TSHZ2: variants seen among roughly 807,000 people sequenced by gnomAD.
The protein encoded by TSHZ2 is teashirt homolog 2.
In TSHZ2, 21 loss-of-function variants were observed where a neutral mutation model predicts 74.4. The ratio of observed to expected loss-of-function variants is 0.28; its 90% CI spans 0.20 to 0.41. The LOEUF (loss-of-function observed/expected upper bound fraction) is 0.41. Ranked by LOEUF, TSHZ2 falls within the 10% of genes least tolerant of loss-of-function variation. The probability of loss-of-function intolerance (pLI) is 1.00; values close to 1 mark genes in which losing one functional copy is unlikely to be tolerated. For missense variants in TSHZ2, 1,244 were observed against 1,293.5 expected, an observed-to-expected ratio of 0.96 and a Z score of 0.59; for synonymous variants, 540 against 515.3, an observed-to-expected ratio of 1.05 and a Z score of -0.65.
chr20:53,190,129 A>ATTTTTT (rs1187750796), intron 1 of TSHZ2, among the ~76,000 whole-genome samples: 29 of 87,822 alleles, frequency 3.3e-4, no homozygotes, highest in African/African-American at 1.3e-3. Context: ...ATATATATAT[A>ATTTTTT]TATATATATT....
intron 1 of TSHZ2, among the ~76,000 whole-genome samples, chr20:53,088,867 GCT>G (rs1290109683): frequency 6.6e-6 from 1 of 152,166 alleles, no homozygotes; most frequent in East Asian, 1.9e-4. Context: ...GGAGGCTGCA[GCT>G]CTGTTTGTGA....
intron 1 of TSHZ2, among the ~76,000 whole-genome samples, chr20:53,043,798 T>TACCTG (rs1984130043): frequency 1.3e-5 from 2 of 152,036 alleles, no homozygotes; most frequent in Admixed American, 1.3e-4. Context: ...AAAAAACTGA[T>TACCTG]ACCTGGGGAA....
intron 1 of TSHZ2, among the ~76,000 whole-genome samples, chr20:53,001,218 G>GTGTGTGTGTGTGTGTGTA (rs1555813582): frequency 1.4e-5 from 2 of 145,156 alleles, no homozygotes; most frequent in African/African-American, 5.2e-5. Context: ...GTGTGTGTGT[G>GTGTGTGTGTGTGTGTGTA]TGTGTGTGTG....
rs554487778 is a variant in TSHZ2, at chr20:53,446,899, G to A, written c.*9-40245G>A. ...AACCTAAACAGCTGCCCCACTCATG[G>A]TTCACCCTTCACTCTCTTGCCCCTA... On this transcript the variant is annotated intron_variant, in intron 2 of 2. Transcript: ENST00000371497. Among the ~76,000 whole-genome samples, 82 of 152,222 alleles carry A rather than the reference G, an allele frequency of 5.4e-4. 1 individual carries two copies. Among genetic ancestry groups the A allele is most frequent in the African/African-American group, 1.8e-3 (76 of 41,564 alleles).
chr20:53,176,369 T>C (rs1356295474), intron 1 of TSHZ2, among the ~76,000 whole-genome samples: 2 of 152,214 alleles, frequency 1.3e-5, no homozygotes, highest in African/African-American at 4.8e-5. Context: ...AGAATCCTTT[T>C]GGGAGGAGGT....
At chr20:53,350,268 A>C (rs1980599277) in intron 2 of TSHZ2, among the ~76,000 whole-genome samples, 1 of 152,224 alleles carries the variant, frequency 6.6e-6, no homozygotes, top group Non-Finnish European at 1.5e-5. Context: ...TTTAGGTGGA[A>C]AGTGGTTCTC....
Position 52,974,525 on chromosome 20 carries a change from T to C in TSHZ2, c.40+1192T>C, listed in dbSNP as rs111797942. 5.9e-5 allele frequency among the ~76,000 whole-genome samples: 9 copies of C among 152,270 alleles called. No individual in the cohort carries two copies. In the South Asian group the frequency reaches 1.2e-3, roughly 21 times the overall value. On this transcript the variant is annotated intron_variant, in intron 1 of 2. Coordinates refer to ENST00000371497, the MANE Select transcript of TSHZ2 (RefSeq NM_173485.6). ...GTTTAGTTGTTTTTTCCTCTCTCTC[T>C]GTCTTTACCCTCTTGATTTAGGCAA...
rs191367297 is a variant in TSHZ2 at position 53,337,716 on chromosome 20, G to A, written c.*8+81145G>A. Among the ~76,000 whole-genome samples the A allele has an allele frequency of 1.2e-4, 18 of 152,312 alleles. No individual in the cohort carries two copies. The South Asian group carries it at 1.9e-3, about 16-fold the overall frequency. On this transcript the variant is annotated intron_variant, in intron 2 of 2. Transcript: ENST00000371497. ...TAATTAAATAACATTGACTCCCAACGTGAAAAACTCATTTCCCTTCCATGC... is the reference window on the plus strand; with the variant it reads ...TAATTAAATAACATTGACTCCCAACATGAAAAACTCATTTCCCTTCCATGC...
At chr20:53,283,165 GA>G (rs557107840) in intron 2 of TSHZ2, among the ~76,000 whole-genome samples, 404 of 152,242 alleles carry the variant, frequency 2.7e-3, no homozygotes, top group African/African-American at 9.3e-3. Context: ...TGTTGTAGAA[GA>G]AAAAGCTAAG....
At chr20:53,331,821 T>C (rs1405136504) in intron 2 of TSHZ2, among the ~76,000 whole-genome samples, 1 of 152,036 alleles carries the variant, frequency 6.6e-6, no homozygotes, top group Non-Finnish European at 1.5e-5. Context: ...AACCCCTTCC[T>C]GGTGGCGGCA....
intron 1 of TSHZ2, among the ~76,000 whole-genome samples, chr20:52,977,284 G>A (rs1981377843): frequency 6.6e-6 from 1 of 152,130 alleles, no homozygotes; most frequent in Non-Finnish European, 1.5e-5. Context: ...GAATCGGGTA[G>A]ATTTGGGACC....
At chr20:53,159,254 T>G (rs1292811394) in intron 1 of TSHZ2, among the ~76,000 whole-genome samples, 4 of 152,230 alleles carry the variant, frequency 2.6e-5, no homozygotes, top group African/African-American at 9.6e-5. Context: ...AGCCTGTGTT[T>G]TTGTCTTTTC....
chr20:53,466,455 C>T, intron 2 of TSHZ2, among the ~76,000 whole-genome samples: 1 of 152,162 alleles, frequency 6.6e-6, no homozygotes. Flanking sequence ...TGGCTCTGCA[C>T]TCCACTTAGA....
chr20:53,204,110 T>TATC (rs1989083093), intron 1 of TSHZ2, among the ~76,000 whole-genome samples: 1 of 1,146 alleles, frequency 8.7e-4, no homozygotes, highest in African/African-American at 3.7e-3. Flanking sequence ...TATGATATAC[T>TATC]ATATCATCAT....
Position 53,362,156 on chromosome 20 carries a change from C to T in TSHZ2, c.*8+105585C>T, listed in dbSNP as rs1244042632. On this transcript the variant is annotated intron_variant, in intron 2 of 2. Transcript: ENST00000371497. ...TGCTGGCATTACAGGCGTGAGCCAC[C>T]GTGCCCAGCCTCTTCACACAGTTTG... Among the ~76,000 whole-genome samples, 8 of 151,060 alleles carry T rather than the reference C, an allele frequency of 5.3e-5. No homozygotes were observed. In the East Asian group the frequency reaches 1.4e-3, roughly 26 times the overall value.
intron 2 of TSHZ2, among the ~76,000 whole-genome samples, chr20:53,460,676 G>A (rs1985322460): frequency 6.6e-6 from 1 of 152,174 alleles, no homozygotes; most frequent in Non-Finnish European, 1.5e-5. Flanking sequence ...CATCTTTGTG[G>A]TTTTATCTCC....
chr20:53,005,392 G>A (rs1229405281), intron 1 of TSHZ2, among the ~76,000 whole-genome samples: 2 of 152,210 alleles, frequency 1.3e-5, no homozygotes, highest in Non-Finnish European at 2.9e-5. Flanking sequence ...TGAAGCTGGA[G>A]AAAACGTGTA....
chr20:53,396,665 G>A (rs1982459347), intron 2 of TSHZ2, among the ~76,000 whole-genome samples: 2 of 151,908 alleles, frequency 1.3e-5, no homozygotes, highest in African/African-American at 2.4e-5. Flanking sequence ...TGGGCAACAT[G>A]GCAAAACCCC....
rs183742882 is a variant in TSHZ2 at position 53,402,616 on chromosome 20, G to A, written c.*9-84528G>A. Among the ~76,000 whole-genome samples, 417 of 152,332 alleles carry A rather than the reference G, an allele frequency of 2.7e-3. 4 individuals are homozygous for A. The highest frequency in any genetic ancestry group is 2.5e-3 in the Non-Finnish European group (169 of 68,038). ...GCAGAAAGAGGCAAAAGAAGGCACT[G>A]AGGGGAAGGATGTGTTAGTTTCAAT... On this transcript the variant is annotated intron_variant, in intron 2 of 2. Transcript: ENST00000371497.
Sources: allele counts gnomAD v4.1 joint callset (sites outside exome capture counted in the v4.1 genomes callset), GRCh38; gene constraint gnomAD v4.1.1; transcripts MANE v1.5; gene names NCBI Gene and HGNC (gene_info 2026-07-23, HGNC 2026-07-21).